CHI3L1: variants seen among roughly 807,000 people sequenced by gnomAD.
The protein encoded by CHI3L1 is chitinase 3 like 1, also known as chitinase-3-like protein 1.
CHI3L1 carries 30 observed loss-of-function variants against 40.7 expected under a neutral mutation model. The ratio of observed to expected loss-of-function variants is 0.74; its 90% confidence interval spans 0.55 to 1.00. The LOEUF (loss-of-function observed/expected upper bound fraction) is 1.00. Ranked by LOEUF, CHI3L1 falls within the 50% of genes least tolerant of loss-of-function variation. The probability of loss-of-function intolerance (pLI) is 0.00; values close to 1 mark genes in which losing one functional copy is unlikely to be tolerated. For synonymous variants in CHI3L1, 210 were observed against 192.1 expected (o/e 1.09, Z -0.77); for missense variants, 493 against 492.2 (o/e 1.00, Z -0.01).
rs4950927 is a variant in CHI3L1, at chr1:203,179,505, A to G, written c.1092T>C (p.Cys364=). 1 allele frequency: 1,575,991 copies of G among 1,578,980 alleles called. 786,508 individuals carry two copies. Among genetic ancestry groups the G allele is most frequent in the East Asian group, 1 (44,359 of 44,360 alleles). The change falls in exon 10 of 10, where the codon TGT becomes TGC. Residue 364 remains cysteine (C), a synonymous_variant. Coordinates refer to ENST00000255409, the MANE Select transcript of CHI3L1 (RefSeq NM_001276.4). ...LDLDDFQGSF[C]GQDLRFPLTN... ...TGAGAGGGAAGCGCAGATCCTGGCC[A>G]CAGAAGGAGCCCTGGAAGTCATCCA... is the stretch of plus-strand genomic sequence containing the variant.
At chr1:203,181,563 C>T (rs1264256267) in intron 6 of CHI3L1, 3 of 275,956 alleles carry the variant, frequency 1.1e-5, no homozygotes, top group Non-Finnish European at 7.0e-6. Context: ...AGAGGTTGTG[C>T]CACTGCACTC....
chr1:203,186,300 TG>T lies in CHI3L1; in HGVS notation c.55+15del. 6.3e-7 allele frequency: 1 copy of T among 1,580,884 alleles called. No homozygotes were observed. The highest frequency in any genetic ancestry group is 8.6e-7 in the Non-Finnish European group (1 of 1,162,544). On this transcript the variant is annotated intron_variant, in intron 2 of 9. Transcript: ENST00000255409. ...ACGCCTCTGGACTTAAAAGTGGAGG[TG>T]GAGGGATTACTCACAGCACTGGAGC...
chr1:203,180,273 G>A lies in CHI3L1; in HGVS notation c.894+197C>T, dbSNP rs1430628137. 11 of 589,966 alleles carry A rather than the reference G, an allele frequency of 1.9e-5. No homozygotes were observed. In the East Asian group the frequency reaches 3.2e-4, roughly 17 times the overall value. The allele number at this position is 589,966 out of a possible 1,614,324, so 36.5% of individuals were successfully genotyped here. A position where few individuals can be genotyped will look rare whatever the true frequency, so the allele number is the denominator to read the frequency against. On this transcript the variant is annotated intron_variant, in intron 8 of 9. Transcript: ENST00000255409. Reference sequence around the variant, plus strand: ...CTATCCCAGGTGCCTAGTGGTGCAGGCCCATGTGCCTGTACCTGCTGGAGA... The same window carrying A: ...CTATCCCAGGTGCCTAGTGGTGCAGACCCATGTGCCTGTACCTGCTGGAGA...
Position 203,185,215 on chromosome 1 carries a change from GCGTCA to G in CHI3L1, c.221_225del (p.Val74AlafsTer58). 1.2e-6 allele frequency: 2 copies of G among 1,614,146 alleles called. No individual in the cohort carries two copies. The highest frequency in any genetic ancestry group is 2.2e-5 in the South Asian group (2 of 91,086). Reference sequence around the variant, plus strand: ...TTGAGTGTGTTGAGCATGCCGTAGAGCGTCACATCATTCCACTCCCAGGTGTCGAT... The same window carrying G: ...TTGAGTGTGTTGAGCATGCCGTAGAGCATCATTCCACTCCCAGGTGTCGAT... On this transcript the variant is annotated frameshift_variant, in exon 3 of 10. Transcript: ENST00000255409. LOFTEE classifies it high-confidence loss of function.
rs758761903 is a variant in CHI3L1, at chr1:203,179,810, T to C, written c.962A>G (p.Lys321Arg). The stretch of plus-strand genomic sequence containing the variant: ...GTCGTATCCTACCCACTGGTTGCCC[T>C]TGGTGGCATAGGGGACCTGCTGGCC... ...ILGQQVPYAT[K>R]GNQWVGYDDQ... is the part of the protein sequence containing the mutation. The change falls in exon 9 of 10, where the codon AAG (lysine) becomes AGG (arginine). Residue 321 changes from lysine to arginine, a missense_variant. Coordinates refer to ENST00000255409, the MANE Select transcript of CHI3L1 (RefSeq NM_001276.4). 1 of 1,614,172 alleles carries C rather than the reference T, an allele frequency of 6.2e-7. No homozygotes were observed. The highest frequency in any genetic ancestry group is 1.1e-5 in the South Asian group (1 of 91,078).
Position 203,180,453 on chromosome 1 carries a change from C to T in CHI3L1, c.894+17G>A. 2 of 1,530,766 alleles carry T rather than the reference C, an allele frequency of 1.3e-6. No homozygotes were observed. The highest frequency in any genetic ancestry group is 1.8e-6 in the Non-Finnish European group (2 of 1,142,538). The allele number at this position is 1,530,766 out of a possible 1,614,324, so 94.8% of individuals were successfully genotyped here. ...TGGTGGTGTGGGGGAATCCTACCTT[C>T]TCCCCAACTCCATTACCTCATAGTA... is the stretch of plus-strand genomic sequence containing the variant. On this transcript the variant is annotated intron_variant, in intron 8 of 9. Transcript: ENST00000255409.
chr1:203,181,143 C>T lies in CHI3L1; in HGVS notation c.711+19G>A, dbSNP rs1481240816. On this transcript the variant is annotated intron_variant, in intron 7 of 9. Coordinates refer to ENST00000255409, the MANE Select transcript of CHI3L1 (RefSeq NM_001276.4). The stretch of plus-strand genomic sequence containing the variant: ...GTCTTGCGGCCCCCTCCTGGCCCTC[C>T]CTCCTTCTGGGAACTCACAGTGTTG... The T allele has an allele frequency of 1.2e-6, 2 of 1,613,184 alleles. No homozygotes were observed. The highest frequency in any genetic ancestry group is 1.7e-6 in the Non-Finnish European group (2 of 1,179,442).
At chr1:203,180,381 G>T in intron 8 of CHI3L1, 89 bp downstream of exon 8, 1 of 1,243,618 alleles carries the variant, frequency 8.0e-7, no homozygotes, top group Non-Finnish European at 1.1e-6. Flanking sequence ...TATTCCCAAA[G>T]GAGAAAAAGC....
intron 3 of CHI3L1, among the ~76,000 whole-genome samples, chr1:203,184,872 C>A (rs968628862): frequency 6.6e-6 from 1 of 152,072 alleles, no homozygotes; most frequent in Non-Finnish European, 1.5e-5. Flanking sequence ...TTTTGTTTTC[C>A]CCAGTGGAGA....
At position 203,180,537 on chromosome 1, in the gene CHI3L1, G is replaced by C; in HGVS notation, c.827C>G (p.Ala276Gly). 1 of 1,611,030 alleles carries C rather than the reference G, an allele frequency of 6.2e-7. No homozygotes were observed. Among genetic ancestry groups the C allele is most frequent in the South Asian group, 1.1e-5 (1 of 90,612 alleles). Residue 276 changes from alanine (A) to glycine (G), a missense_variant, in exon 8 of 10, where the codon GCC (alanine) becomes GGC (glycine). Transcript: ENST00000255409. ...TGGAATTCCCGGTCCTGAGATTGGG[G>C]CTCCAACACCAGTCTCAGAAGAAGC... Reference protein sequence around the residue: ...TLASSETGVGAPISGPGIPGR... With the variant: ...TLASSETGVGGPISGPGIPGR...
Position 203,181,249 on chromosome 1 carries a change from A to C in CHI3L1, c.624T>G (p.Phe208Leu). 1 of 1,614,066 alleles carries C rather than the reference A, an allele frequency of 6.2e-7. No individual in the cohort carries two copies. Among genetic ancestry groups the C allele is most frequent in the Admixed American group, 1.7e-5 (1 of 60,020 alleles). ...CTGTGGTCCCACGCCAGGCTCCATG[A>C]AAATCGTAGGTCATGATGCTAATGA... is the stretch of plus-strand genomic sequence containing the variant. ...LDFISIMTYD[F>L]HGAWRGTTGH... Residue 208 changes from phenylalanine (F) to leucine (L), a missense_variant, in exon 7 of 10, where the codon TTT becomes TTG. Physicochemically the swap from Phe to Leu is conservative, Grantham distance 22. Transcript: ENST00000255409.
At chr1:203,185,036 C>T in intron 3 of CHI3L1, 148 bp downstream of exon 3, 2 of 658,546 alleles carry the variant, frequency 3.0e-6, no homozygotes, top group Non-Finnish European at 5.3e-6. Context: ...CACCTACAGT[C>T]ATCCCCTCCA....
intron 4 of CHI3L1, 105 bp downstream of exon 4, chr1:203,184,471 A>T: frequency 1.1e-6 from 1 of 905,150 alleles, no homozygotes; most frequent in Non-Finnish European, 1.8e-6. Context: ...GTACCTATCT[A>T]GTCTGGAGCC....
At chr1:203,186,501 C>T in intron 1 of CHI3L1, 98 bp downstream of exon 1, 7 of 1,572,038 alleles carry the variant, frequency 4.5e-6, no homozygotes, top group Non-Finnish European at 6.1e-6. Context: ...CCTCTGCCCA[C>T]TCCCTTAGTC....
At chr1:203,180,729 T>C in intron 7 of CHI3L1, 77 bp from the exon 8 acceptor site, 1 of 1,073,116 alleles carries the variant, frequency 9.3e-7, no homozygotes, top group Non-Finnish European at 1.4e-6. Context: ...TACTGCTGCC[T>C]TAGCAGGGGT....
intron 7 of CHI3L1, 129 bp from the exon 8 acceptor site, chr1:203,180,781 G>T: frequency 1.5e-6 from 1 of 685,226 alleles, no homozygotes; most frequent in Non-Finnish European, 2.4e-6. Flanking sequence ...GTCCCTCCGG[G>T]AACGGATCAT....
rs144986782 is a variant in CHI3L1 at position 203,181,184 on chromosome 1, C to A, written c.689G>T (p.Ser230Ile). The A allele has an allele frequency of 5.1e-5, 82 of 1,614,078 alleles. No individual in the cohort carries two copies. The highest frequency in any genetic ancestry group is 6.8e-5 in the Non-Finnish European group (80 of 1,180,016). Residue 230 changes from serine to isoleucine, a missense_variant, in exon 7 of 10, where the codon AGT (serine) becomes ATT (isoleucine). Physicochemically the swap from Ser to Ile is moderately radical, Grantham distance 142. Transcript: ENST00000255409. ...SPLFRGQEDA[S>I]PDRFSNTDYA... ...CACAGTGTTGCTGAATCTGTCAGGA[C>A]TTGCATCCTCCTGACCTCGGAACAG...
intron 4 of CHI3L1, 80 bp downstream of exon 4, chr1:203,184,496 A>T: frequency 8.7e-7 from 1 of 1,152,670 alleles, no homozygotes; most frequent in Non-Finnish European, 1.3e-6. Flanking sequence ...GAACATCCAT[A>T]CAGTGGATGC....
intron 2 of CHI3L1, 149 bp from the exon 3 acceptor site, chr1:203,185,534 G>T: frequency 1.5e-6 from 1 of 669,362 alleles, no homozygotes; most frequent in East Asian, 2.7e-5. Context: ...TAAATGAAAG[G>T]AGCTGGTTCA....
Sources: gnomAD v4.1 joint callset for allele counts (sites outside exome capture counted in the v4.1 genomes callset) on GRCh38, gnomAD v4.1.1 for gene constraint, MANE v1.5 for transcripts, NCBI Gene and HGNC (gene_info 2026-07-23, HGNC 2026-07-21) for gene names.